PXK: variants seen among roughly 807,000 people sequenced by gnomAD.
PXK encodes the protein PX domain containing serine/threonine kinase like, also known as PX domain-containing protein kinase-like protein.
Under a neutral mutation model 84.7 loss-of-function variants are expected in PXK, and 35 were observed. That is an observed-to-expected ratio of 0.41 (90% confidence interval 0.32 to 0.55). The LOEUF is 0.55. Among genes scored for constraint, PXK ranks in the 20% least tolerant of loss-of-function variants. PXK has a pLI of 0.21. For synonymous variants in PXK, 253 were observed against 260.8 expected (o/e 0.97, Z 0.29); for missense variants, 634 against 699.7 (o/e 0.91, Z 1.06).
intron 9 of PXK, among the ~76,000 whole-genome samples, chr3:58,396,772 T>A (rs537967550): frequency 6.6e-6 from 1 of 152,366 alleles, no homozygotes; most frequent in South Asian, 2.1e-4. Flanking sequence ...GCATCAGAGT[T>A]ATTAATTCCA....
intron 1 of PXK, among the ~76,000 whole-genome samples, chr3:58,351,110 T>C (rs1190749054): frequency 1.3e-5 from 2 of 152,140 alleles, no homozygotes; most frequent in African/African-American, 2.4e-5. Flanking sequence ...AAAGCTCCCT[T>C]GTCAAAGGAA....
intron 1 of PXK, among the ~76,000 whole-genome samples, chr3:58,351,713 G>T (rs1479155265): frequency 6.6e-6 from 1 of 152,090 alleles, no homozygotes; most frequent in East Asian, 1.9e-4. Flanking sequence ...CCAAAAGTGG[G>T]CATAGAATCT....
intron 9 of PXK, among the ~76,000 whole-genome samples, chr3:58,396,552 G>C (rs142389839): frequency 3.9e-5 from 6 of 152,268 alleles, no homozygotes; most frequent in African/African-American, 7.2e-5. Context: ...CTTTTTCTGG[G>C]ATCCTGTTGT....
In PXK at chr3:58,412,941, G is replaced by A. The variant is rs756978877; in HGVS notation, c.1506G>A (p.Ser502=). The A allele has an allele frequency of 2.0e-5, 32 of 1,613,928 alleles. No individual in the cohort carries two copies. The highest frequency in any genetic ancestry group is 2.6e-5 in the Non-Finnish European group (31 of 1,180,026). Residue 502 remains serine, a synonymous_variant, in exon 17 of 18, where the codon TCG becomes TCA. Transcript: ENST00000356151. The surrounding 1 kb of genome is among the most constrained non-coding windows in gnomAD (Gnocchi z 6.2). ...GASSPLTSPS[S]PTPPSTSGIS... ...GCTCACCTCTCACGTCCCCGTCATC[G>A]CCAACTCCACCCTCTACATCAGGTT...
intron 4 of PXK, among the ~76,000 whole-genome samples, chr3:58,388,588 C>T (rs1343600062): frequency 6.6e-6 from 1 of 152,194 alleles, no homozygotes; most frequent in Non-Finnish European, 1.5e-5. Context: ...TTCTGCTGCA[C>T]CCAGATCTTC....
chr3:58,420,632 A>G, intron 17 of PXK: 23 of 1,534,458 alleles, frequency 1.5e-5, no homozygotes, highest in Non-Finnish European at 2.0e-5. Context: ...GTGAAATAGG[A>G]CCCAAAGTGT....
At chr3:58,346,511 C>T (rs775056291) in intron 1 of PXK, among the ~76,000 whole-genome samples, 2 of 152,032 alleles carry the variant, frequency 1.3e-5, no homozygotes, top group Non-Finnish European at 2.9e-5. Flanking sequence ...CTGGTTTTCC[C>T]AGGAAGATGA....
chr3:58,365,590 A>T (rs1255182414), intron 1 of PXK, among the ~76,000 whole-genome samples: 1 of 152,182 alleles, frequency 6.6e-6, no homozygotes, highest in African/African-American at 2.4e-5. Flanking sequence ...TGAAGTCTTC[A>T]ACTATAATTT....
At chr3:58,395,870 A>G in intron 9 of PXK, 111 bp downstream of exon 9, 2 of 809,850 alleles carry the variant, frequency 2.5e-6, no homozygotes, top group East Asian at 5.7e-5. Flanking sequence ...CTGATTACTT[A>G]TAAACTGATT....
At chr3:58,353,488 A>G (rs866194657) in intron 1 of PXK, among the ~76,000 whole-genome samples, 2 of 152,216 alleles carry the variant, frequency 1.3e-5, no homozygotes, top group Admixed American at 6.5e-5. Context: ...TTGAAACAAA[A>G]CAAAGGTAGG....
intron 13 of PXK, among the ~76,000 whole-genome samples, chr3:58,404,165 G>A (rs1374607093): frequency 2.0e-5 from 3 of 152,130 alleles, no homozygotes; most frequent in Non-Finnish European, 4.4e-5. Flanking sequence ...AAAAAAATAA[G>A]GTAATGTGTA....
chr3:58,399,460 G>C lies in PXK; in HGVS notation c.1181+83G>C. ...CTGTGTCCAAGCACCTGGTACTGTA[G>C]TAAAGATTCTTGCGGTCCCTGCAGA... is the stretch of plus-strand genomic sequence containing the variant. On this transcript the variant is annotated intron_variant, in intron 12 of 17. Coordinates refer to ENST00000356151, the MANE Select transcript of PXK (RefSeq NM_017771.5). The surrounding 1 kb of genome is among the most constrained non-coding windows in gnomAD (Gnocchi z 4.3). The C allele has an allele frequency of 7.0e-7, 1 of 1,418,566 alleles. No individual in the cohort carries two copies. The highest frequency in any genetic ancestry group is 1.8e-5 in the Admixed American group (1 of 54,214). The allele number at this position is 1,418,566 out of a possible 1,614,324, so 87.9% of individuals were successfully genotyped here.
chr3:58,367,664 A>G (rs1259316130), intron 2 of PXK, among the ~76,000 whole-genome samples: 1 of 152,114 alleles, frequency 6.6e-6, no homozygotes. Context: ...ATGTGATTGA[A>G]CAAACAATTT....
Position 58,378,497 on chromosome 3 carries a change from T to C in PXK, c.202-4017T>C, listed in dbSNP as rs1392689361. Among the ~76,000 whole-genome samples the C allele has an allele frequency of 3.6e-3, 149 of 41,044 alleles. 15 individuals carry two copies. Among genetic ancestry groups the C allele is most frequent in the African/African-American group, 5.0e-3 (67 of 13,400 alleles). The allele number at this position is 41,044 out of a possible 152,430, so 26.9% of individuals were successfully genotyped here. A position where few individuals can be genotyped will look rare whatever the true frequency, so the allele number is the denominator to read the frequency against. ...ATTTGGACTTCATTTTTCTTCTTTTTTTTTTTTTTTTTTTTTGTGTGTGTG... is the reference window on the plus strand; with the variant it reads ...ATTTGGACTTCATTTTTCTTCTTTTCTTTTTTTTTTTTTTTTGTGTGTGTG... On this transcript the variant is annotated intron_variant, in intron 3 of 17. Transcript: ENST00000356151.
chr3:58,334,923 G>T (rs1266787275), intron 1 of PXK, among the ~76,000 whole-genome samples: 11 of 147,156 alleles, frequency 7.5e-5, no homozygotes, highest in Non-Finnish European at 1.6e-4. Flanking sequence ...TGTTTTTATT[G>T]TAAGGGTGTG....
At chr3:58,402,566 A>G (rs1285162274) in intron 12 of PXK, among the ~76,000 whole-genome samples, 1 of 151,266 alleles carries the variant, frequency 6.6e-6, no homozygotes, top group African/African-American at 2.4e-5. Context: ...AGTAGCTGGA[A>G]CTACAGGTGC....
chr3:58,332,923 C>A lies in PXK; in HGVS notation c.-66C>A. ...AGCGGCGGCGGTGGAACCGGGCGGG[C>A]GGCGGGAGTCGGCGCCTCGGGTTCC... On this transcript the variant is annotated 5_prime_UTR_variant, in exon 1 of 18. Transcript: ENST00000356151. This position sits in a 1 kb window ranked among gnomAD's most constrained non-coding sequence, Gnocchi z 5.6. The A allele has an allele frequency of 9.5e-7, 1 of 1,051,674 alleles. No individual in the cohort carries two copies. Among genetic ancestry groups the A allele is most frequent in the Non-Finnish European group, 1.2e-6 (1 of 817,006 alleles). The allele number at this position is 1,051,674 out of a possible 1,614,324, so 65.1% of individuals were successfully genotyped here. A position where few individuals can be genotyped will look rare whatever the true frequency, so the allele number is the denominator to read the frequency against.
At chr3:58,405,124 A>G (rs142288277) in intron 13 of PXK, among the ~76,000 whole-genome samples, 1 of 152,206 alleles carries the variant, frequency 6.6e-6, no homozygotes, top group Non-Finnish European at 1.5e-5. Flanking sequence ...ATCCAACATT[A>G]GTTCTTGTAT....
intron 1 of PXK, among the ~76,000 whole-genome samples, chr3:58,348,610 A>G (rs2097862339): frequency 6.6e-6 from 1 of 152,220 alleles, no homozygotes; most frequent in African/African-American, 2.4e-5. Flanking sequence ...ACATGGAATC[A>G]TTATAAAAAT....
Sources: allele counts gnomAD v4.1 joint callset (sites outside exome capture counted in the v4.1 genomes callset), GRCh38; gene constraint gnomAD v4.1.1; non-coding constraint Gnocchi (gnomAD v3.1); transcripts MANE v1.5; gene names NCBI Gene and HGNC (gene_info 2026-07-23, HGNC 2026-07-21).